The following ZNF550 variants were observed in gnomAD, a reference collection of about 807,000 sequenced individuals.
ZNF550 encodes zinc finger protein 550.
In ZNF550, 42 loss-of-function variants were observed where a neutral mutation model predicts 40.2. The ratio of observed to expected loss-of-function variants is 1.05; its 90% CI spans 0.82 to 1.35. The LOEUF (loss-of-function observed/expected upper bound fraction) is 1.35. Ranked by LOEUF, ZNF550 falls within the 40% of genes most tolerant of loss-of-function variation. ZNF550 has a pLI of 0.00. For synonymous variants in ZNF550, 223 were observed against 198.6 expected, an observed-to-expected ratio of 1.12 and a Z score of -1.03; for missense variants, 549 against 525.2, an observed-to-expected ratio of 1.05 and a Z score of -0.44.
chr19:57,549,697 A>G (rs898691395), intron 3 of ZNF550, among the ~76,000 whole-genome samples: 6 of 152,212 alleles, frequency 3.9e-5, no homozygotes, highest in Admixed American at 1.3e-4. Flanking sequence ...TGAAACCAAT[A>G]TAAAAGGGTG....
At chr19:57,546,457 C>A (rs552993358) in exon 4 of ZNF550, 16 of 985,950 alleles carry the variant, frequency 1.6e-5, no homozygotes, top group Non-Finnish European at 1.8e-5. Context: ...AAGAAGATAC[C>A]TGTAACTGAA....
chr19:57,546,331 T>C (rs2090008926), intron 4 of ZNF550: 1 of 222,500 alleles, frequency 4.5e-6, no homozygotes, highest in Non-Finnish European at 7.5e-6. Flanking sequence ...TGACAAAGGA[T>C]GGCAGTGAAT....
exon 4 of ZNF550, chr19:57,547,272 A>G (rs760029323): frequency 1.4e-5 from 22 of 1,613,830 alleles, no homozygotes; most frequent in Non-Finnish European, 1.7e-5. Flanking sequence ...CTCTATTGCT[A>G]AAGGCTTTCT....
intron 3 of ZNF550, 122 bp downstream of exon 3, chr19:57,552,505 G>C (rs1225643877): frequency 1.4e-6 from 1 of 735,868 alleles, no homozygotes; most frequent in African/African-American, 1.7e-5. Flanking sequence ...AAGTGAGTCA[G>C]AAACAACCAG....
In ZNF550 at chr19:57,547,921, C is replaced by T. The variant is rs149514492; in HGVS notation, c.323G>A (p.Arg108Gln). The T allele has an allele frequency of 1.9e-4, 307 of 1,614,106 alleles. 1 individual carries two copies. In the African/African-American group the frequency reaches 3.6e-3, roughly 19 times the overall value. The change falls in exon 4 of 5, where the codon CGG (arginine) becomes CAG (glutamine). Residue 108 changes from arginine (R) to glutamine (Q), a missense_variant. Physicochemically the swap from Arg to Gln is conservative, Grantham distance 43. Coordinates refer to ENST00000457177, the Ensembl canonical transcript of ZNF550. ...TGAAGATTCCAGAGTCAGGCTTCCC[C>T]GGAGAAAGGCCCGCTCAGATAAGAC...
chr19:57,552,455 T>G (rs2090080592), intron 3 of ZNF550, 172 bp downstream of exon 3: 2 of 547,604 alleles, frequency 3.7e-6, no homozygotes, highest in Middle Eastern at 2.7e-4. Context: ...TGAATAATTG[T>G]GTGGCTCAGT....
At chr19:57,548,077 G>A (rs1345287956) in intron 3 of ZNF550, 84 bp from the exon 4 acceptor site, 2 of 1,303,252 alleles carry the variant, frequency 1.5e-6, no homozygotes, top group Non-Finnish European at 2.1e-6. Context: ...GTAGGAAAAT[G>A]AAGATGAAAA....
chr19:57,553,162 C>T (rs2090088899), intron 2 of ZNF550: 1 of 154,750 alleles, frequency 6.5e-6, no homozygotes, highest in African/African-American at 2.4e-5. Flanking sequence ...TTCTCAGCCT[C>T]CAGAAGCATA....
intron 1 of ZNF550, among the ~76,000 whole-genome samples, chr19:57,559,292 T>C (rs1248946670): frequency 6.6e-6 from 1 of 152,116 alleles, no homozygotes; most frequent in Admixed American, 6.5e-5. Flanking sequence ...ATATTTCTAC[T>C]TTGCGCGCGC....
exon 4 of ZNF550, chr19:57,546,871 C>A: frequency 6.9e-7 from 1 of 1,450,230 alleles, no homozygotes. Flanking sequence ...TCCTGACATT[C>A]TTTGCATTCG....
chr19:57,552,903 A>T, intron 2 of ZNF550, 181 bp from the exon 3 acceptor site: 2 of 567,348 alleles, frequency 3.5e-6, no homozygotes, highest in Non-Finnish European at 6.3e-6. Flanking sequence ...TGTTCCCCAT[A>T]AAAATCATAT....
At chr19:57,543,767 C>A (rs2089982883) in intron 4 of ZNF550, 1 of 420,384 alleles carries the variant, frequency 2.4e-6, no homozygotes, top group Non-Finnish European at 3.2e-6. Flanking sequence ...GAAACCCCGT[C>A]TCTACTAAAA....
At chr19:57,546,512 C>G in exon 4 of ZNF550, 1 of 989,378 alleles carries the variant, frequency 1.0e-6, no homozygotes, top group Non-Finnish European at 1.2e-6. Flanking sequence ...GGGTCAAATT[C>G]CAGCATGGCT....
At chr19:57,549,387 G>C (rs1013591170) in intron 3 of ZNF550, among the ~76,000 whole-genome samples, 1 of 152,138 alleles carries the variant, frequency 6.6e-6, no homozygotes, top group Non-Finnish European at 1.5e-5. Flanking sequence ...AGAGGTTGCA[G>C]TGAGCCGAGA....
At chr19:57,557,694 C>G (rs1293544630) in intron 1 of ZNF550, among the ~76,000 whole-genome samples, 1 of 152,178 alleles carries the variant, frequency 6.6e-6, no homozygotes, top group Non-Finnish European at 1.5e-5. Flanking sequence ...GGGGCAGGCA[C>G]CCTTCACTAA....
intron 1 of ZNF550, among the ~76,000 whole-genome samples, chr19:57,558,403 G>A (rs2090141061): frequency 6.6e-6 from 1 of 152,124 alleles, no homozygotes; most frequent in Non-Finnish European, 1.5e-5. Context: ...GGTAGGAGGG[G>A]GTGGATTTAT....
rs999202360 is a variant in ZNF550, at chr19:57,543,683, C to T, written c.*519-440G>A. 25 of 971,864 alleles carry T rather than the reference C, an allele frequency of 2.6e-5. No individual in the cohort carries two copies. In the African/African-American group the frequency reaches 3.7e-4, roughly 14 times the overall value. The allele number at this position is 971,864 out of a possible 1,614,324, so 60.2% of individuals were successfully genotyped here. ...GGGCACGGTGGCTCACGCCTGTAAT[C>T]GCAGCACTTTGGGAGGCAGAGGCGG... On this transcript the variant is annotated intron_variant, in intron 4 of 4. Coordinates refer to ENST00000457177, the Ensembl canonical transcript of ZNF550.
chr19:57,547,554 G>A (rs368072547), exon 4 of ZNF550: 1 of 1,614,026 alleles, frequency 6.2e-7, no homozygotes, highest in African/African-American at 1.3e-5. Flanking sequence ...TGCATTCATA[G>A]GGTTTCATTC....
At chr19:57,547,266 A>G (rs2090022594) in exon 4 of ZNF550, 3 of 1,613,850 alleles carry the variant, frequency 1.9e-6, no homozygotes, top group South Asian at 1.1e-5. Context: ...GGTGGGCTCT[A>G]TTGCTAAAGG....
Sources: gnomAD v4.1 joint callset for allele counts (sites outside exome capture counted in the v4.1 genomes callset) on GRCh38, gnomAD v4.1.1 for gene constraint, MANE v1.5 for transcripts, NCBI Gene and HGNC (gene_info 2026-07-23, HGNC 2026-07-21) for gene names.